Variants in NEK11 observed in about 807,000 individuals in gnomAD.
The protein encoded by NEK11 is NIMA related kinase 11, also known as serine/threonine-protein kinase Nek11.
Under a neutral mutation model 80.7 loss-of-function variants are expected in NEK11, and 72 were observed. The ratio of observed to expected loss-of-function variants is 0.89; its 90% confidence interval spans 0.74 to 1.08. NEK11 has a LOEUF of 1.08. NEK11 is among the 50% of genes least tolerant of loss of function. The pLI is 0.00. For synonymous variants in NEK11, 251 were observed against 260.7 expected, an observed-to-expected ratio of 0.96 and a Z score of 0.36; for missense variants, 764 against 763.6, an observed-to-expected ratio of 1.00 and a Z score of -0.01.
chr3:131,313,876 G>A (rs949165418), intron 17 of NEK11, among the ~76,000 whole-genome samples: 1 of 152,042 alleles, frequency 6.6e-6, no homozygotes, highest in African/African-American at 2.4e-5. Flanking sequence ...AACATTGTGC[G>A]TTTTCCTAAC....
chr3:131,345,230 G>C (rs1011463026), intron 17 of NEK11, among the ~76,000 whole-genome samples: 6 of 151,854 alleles, frequency 4.0e-5, no homozygotes, highest in African/African-American at 1.5e-4. Flanking sequence ...ACACAGCAAA[G>C]GAAACAATTA....
intron 7 of NEK11, among the ~76,000 whole-genome samples, chr3:131,138,479 G>A (rs2086118841): frequency 6.6e-6 from 1 of 152,150 alleles, no homozygotes; most frequent in Admixed American, 6.6e-5. Flanking sequence ...CAGGACCTAG[G>A]AAACTCACAC....
chr3:131,285,558 CTT>C (rs758836125), intron 17 of NEK11, among the ~76,000 whole-genome samples: 90 of 152,326 alleles, frequency 5.9e-4, no homozygotes, highest in Admixed American at 2.9e-3. Flanking sequence ...GAGAATAAAA[CTT>C]CTCTATTTTG....
intron 15 of NEK11, among the ~76,000 whole-genome samples, chr3:131,236,571 T>G (rs2107969203): frequency 6.6e-6 from 1 of 152,296 alleles, no homozygotes; most frequent in East Asian, 1.9e-4. Flanking sequence ...GCATTAGCAG[T>G]GAAATGTGGA....
chr3:131,278,975 G>T (rs2096350882), intron 17 of NEK11, among the ~76,000 whole-genome samples: 1 of 151,924 alleles, frequency 6.6e-6, no homozygotes, highest in Non-Finnish European at 1.5e-5. Context: ...TGAGACATTT[G>T]TTACCAGAAT....
chr3:131,029,655 C>G lies in NEK11; in HGVS notation c.-54C>G. 6.5e-7 allele frequency: 1 copy of G among 1,541,158 alleles called. No homozygotes were observed. Among genetic ancestry groups the G allele is most frequent in the Non-Finnish European group, 8.9e-7 (1 of 1,121,482 alleles). Reference sequence around the variant, plus strand: ...ATGAATTTGACCATTTCTTAGGAGACTGGAATGTTAAGTTTCTATAAATGA... The same window carrying G: ...ATGAATTTGACCATTTCTTAGGAGAGTGGAATGTTAAGTTTCTATAAATGA... On this transcript the variant is annotated 5_prime_UTR_variant, in exon 3 of 18. Transcript: ENST00000383366.
intron 13 of NEK11, among the ~76,000 whole-genome samples, chr3:131,170,544 T>C (rs2092618680): frequency 6.6e-6 from 1 of 152,202 alleles, no homozygotes; most frequent in African/African-American, 2.4e-5. Flanking sequence ...GTCATGATCC[T>C]GAAACTGAGC....
chr3:131,147,244 T>C (rs1037131972), intron 7 of NEK11, among the ~76,000 whole-genome samples: 1 of 152,114 alleles, frequency 6.6e-6, no homozygotes, highest in Non-Finnish European at 1.5e-5. Context: ...TATGTGACTA[T>C]ATGGTATGAG....
intron 16 of NEK11, among the ~76,000 whole-genome samples, chr3:131,256,700 G>A (rs569210003): frequency 6.6e-6 from 1 of 152,108 alleles, no homozygotes; most frequent in Non-Finnish European, 1.5e-5. Flanking sequence ...TTCTGGCTCA[G>A]GGTCTCTCAT....
chr3:131,144,988 A>G (rs1285585534), intron 7 of NEK11, among the ~76,000 whole-genome samples: 1 of 152,098 alleles, frequency 6.6e-6, no homozygotes, highest in East Asian at 1.9e-4. Flanking sequence ...CTTTAGCCAG[A>G]TAATTGCATA....
chr3:131,341,451 G>A (rs1182863489), intron 17 of NEK11, among the ~76,000 whole-genome samples: 2 of 152,152 alleles, frequency 1.3e-5, no homozygotes. Context: ...CTAGCACATG[G>A]TCAGTTTTCG....
Position 131,217,621 on chromosome 3 carries a change from G to A in NEK11, c.1400-10907G>A, listed in dbSNP as rs771592451. ...ATGCTAAGTTTCGGGTGAATTTGGC[G>A]TCTTACAGAGCACATGATCGGCCAC... On this transcript the variant is annotated intron_variant, in intron 14 of 17. Transcript: ENST00000383366. 2.0e-4 allele frequency among the ~76,000 whole-genome samples: 31 copies of A among 152,102 alleles called. 1 individual carries two copies. Among genetic ancestry groups the A allele is most frequent in the Non-Finnish European group, 3.2e-4 (22 of 68,016 alleles).
intron 5 of NEK11, among the ~76,000 whole-genome samples, chr3:131,125,458 TGA>T (rs2083153584): frequency 6.6e-6 from 1 of 152,226 alleles, no homozygotes; most frequent in Non-Finnish European, 1.5e-5. Context: ...GATCATTTAC[TGA>T]GAGAGATATT....
At chr3:131,184,736 G>A in intron 14 of NEK11, 1 of 1,244,858 alleles carries the variant, frequency 8.0e-7, no homozygotes, top group Non-Finnish European at 1.0e-6. Context: ...ACGAATACTG[G>A]AAAAATGAAA....
chr3:131,345,208 TAA>T (rs1561655250), intron 17 of NEK11, among the ~76,000 whole-genome samples: 4 of 152,260 alleles, frequency 2.6e-5, no homozygotes, highest in Middle Eastern at 3.4e-3. Flanking sequence ...TATGTAAAAC[TAA>T]AAAGATTCTA....
intron 16 of NEK11, among the ~76,000 whole-genome samples, chr3:131,261,717 G>C (rs1435787110): frequency 2.0e-5 from 3 of 152,136 alleles, no homozygotes; most frequent in African/African-American, 7.2e-5. Flanking sequence ...ACATAGTATA[G>C]TGTCTTATGT....
At chr3:131,069,856 T>C (rs1316106161) in intron 3 of NEK11, among the ~76,000 whole-genome samples, 1 of 150,598 alleles carries the variant, frequency 6.6e-6, no homozygotes, top group Non-Finnish European at 1.5e-5. Flanking sequence ...AGGGATAGCA[T>C]TGGGAGATAT....
intron 17 of NEK11, among the ~76,000 whole-genome samples, chr3:131,331,635 C>T (rs1472792921): frequency 2.6e-5 from 4 of 152,180 alleles, no homozygotes; most frequent in Non-Finnish European, 5.9e-5. Context: ...GCGCACCGTG[C>T]GTGAGCCGAA....
At chr3:131,346,039 G>A (rs1429574127) in intron 17 of NEK11, among the ~76,000 whole-genome samples, 1 of 152,050 alleles carries the variant, frequency 6.6e-6, no homozygotes, top group Non-Finnish European at 1.5e-5. Flanking sequence ...AGGGTTGGTA[G>A]GGGAGAGGAA....
Sources: gnomAD v4.1 joint callset for allele counts (sites outside exome capture counted in the v4.1 genomes callset) on GRCh38, gnomAD v4.1.1 for gene constraint, MANE v1.5 for transcripts, NCBI Gene and HGNC (gene_info 2026-07-23, HGNC 2026-07-21) for gene names.